Variants in MAN2A2 observed in about 807,000 individuals in gnomAD.
MAN2A2 encodes the protein mannosidase alpha class 2A member 2.
Under a neutral mutation model 126.8 loss-of-function variants are expected in MAN2A2, and 79 were observed. That is an observed-to-expected ratio of 0.62 (90% CI 0.52 to 0.75). MAN2A2 has a LOEUF of 0.75. MAN2A2 is among the 30% of genes least tolerant of loss of function. The probability of loss-of-function intolerance (pLI) is 0.00; values close to 1 mark genes in which losing one functional copy is unlikely to be tolerated. For synonymous variants in MAN2A2, 671 were observed against 618.7 expected (o/e 1.08, Z -1.25); for missense variants, 1,392 against 1,522.4 (o/e 0.91, Z 1.43).
chr15:90,907,405 A>T lies in MAN2A2; in HGVS notation c.1106A>T (p.Gln369Leu). The part of the protein sequence containing the change: ...TCGPDPKICC[Q>L]FDFKRLPGGR... ...GGCCCAGATCCCAAGATCTGCTGCC[A>T]ATTTGATTTCAAACGCCTGCCTGGT... Residue 369 changes from glutamine to leucine, a missense_variant, in exon 8 of 23, where the codon CAA (glutamine) becomes CTA (leucine). Transcript: ENST00000559717. 1 of 1,614,152 alleles carries T rather than the reference A, an allele frequency of 6.2e-7. No homozygotes were observed. Among genetic ancestry groups the T allele is most frequent in the Non-Finnish European group, 8.5e-7 (1 of 1,180,030 alleles).
At chr15:90,919,055 C>CCGGCA (rs1234851727) in intron 22 of MAN2A2, among the ~76,000 whole-genome samples, 1 of 152,236 alleles carries the variant, frequency 6.6e-6, no homozygotes, top group African/African-American at 2.4e-5. Flanking sequence ...CTCATATCAG[C>CCGGCA]CGGCACTGAT....
intron 7 of MAN2A2, 57 bp from the exon 8 acceptor site, chr15:90,907,252 C>G (rs1350770376): frequency 2.5e-5 from 38 of 1,539,290 alleles, no homozygotes; most frequent in Non-Finnish European, 3.2e-5. Context: ...AGATCCTTGC[C>G]CCCCTGGCGT....
At chr15:90,919,573 C>G in intron 22 of MAN2A2, 62 bp from the exon 23 acceptor site, 1 of 1,576,216 alleles carries the variant, frequency 6.3e-7, no homozygotes, top group South Asian at 1.1e-5. Context: ...TGTAGATGAA[C>G]AGCCACATTC....
At chr15:90,912,740 G>A in intron 16 of MAN2A2, 76 bp downstream of exon 16, 1 of 1,597,182 alleles carries the variant, frequency 6.3e-7, no homozygotes, top group Non-Finnish European at 8.6e-7. Flanking sequence ...GTTTATTGCT[G>A]CCTGCCAGGG....
At chr15:90,913,574 G>C (rs968747190) in intron 18 of MAN2A2, 40 bp from the exon 19 acceptor site, 2 of 1,590,058 alleles carry the variant, frequency 1.3e-6, no homozygotes, top group Non-Finnish European at 1.7e-6. Context: ...GGCCCACATG[G>C]TGCCCGGGTG....
chr15:90,903,568 G>A, intron 1 of MAN2A2, 136 bp downstream of exon 1: 1 of 163,916 alleles, frequency 6.1e-6, no homozygotes. Flanking sequence ...GGTCCCCTAA[G>A]TGCTCTGCAA....
chr15:90,906,264 G>C lies in MAN2A2; in HGVS notation c.708-106G>C, dbSNP rs1053332813. ...TGTGTTCTCTTGGTCCTGGGATTGGGAGAACTGGTCCAGTGAGGCCAGTGC... is the reference window on the plus strand; with the variant it reads ...TGTGTTCTCTTGGTCCTGGGATTGGCAGAACTGGTCCAGTGAGGCCAGTGC... On this transcript the variant is annotated intron_variant, in intron 5 of 22. Coordinates refer to ENST00000559717, the MANE Select transcript of MAN2A2 (RefSeq NM_006122.4). 10 of 1,472,840 alleles carry C rather than the reference G, an allele frequency of 6.8e-6. No individual in the cohort carries two copies. The African/African-American group carries it at 1.4e-4, about 20-fold the overall frequency. The allele number at this position is 1,472,840 out of a possible 1,614,324, so 91.2% of individuals were successfully genotyped here. A position where few individuals can be genotyped will look rare whatever the true frequency, so the allele number is the denominator to read the frequency against.
chr15:90,904,002 C>T (rs2034044617), intron 1 of MAN2A2, 188 bp from the exon 2 acceptor site: 2 of 661,832 alleles, frequency 3.0e-6, no homozygotes, highest in South Asian at 3.3e-5. Flanking sequence ...AGCGTCCTCT[C>T]CACCCTAGCG....
intron 9 of MAN2A2, 101 bp downstream of exon 9, chr15:90,909,605 C>CCTT (rs1491374744): frequency 2.2e-4 from 185 of 849,052 alleles, no homozygotes; most frequent in South Asian, 3.6e-4. Context: ...GGGTGCCCCC[C>CCTT]TTTTTTTTTT....
chr15:90,904,493 A>C (rs1226840347), intron 2 of MAN2A2, among the ~76,000 whole-genome samples, 154 bp downstream of exon 2: 1 of 148,460 alleles, frequency 6.7e-6, no homozygotes, highest in Non-Finnish European at 1.5e-5. Flanking sequence ...GGTTTTGTAG[A>C]AACCCTCAGC....
Position 90,903,563 on chromosome 15 carries a change from C to T in MAN2A2, c.-19+131C>T, listed in dbSNP as rs370769633. On this transcript the variant is annotated intron_variant, in intron 1 of 22. Coordinates refer to ENST00000559717, the MANE Select transcript of MAN2A2 (RefSeq NM_006122.4). ...GTCACTGCAGGCTTCCTAGGGGTCC[C>T]CTAAGTGCTCTGCAAACCGCGGCTG... The T allele has an allele frequency of 1.0e-4, 17 of 163,278 alleles. No homozygotes were observed. The East Asian group carries it at 1.9e-3, about 19-fold the overall frequency. The allele number at this position is 163,278 out of a possible 1,614,324, so 10.1% of individuals were successfully genotyped here.
Position 90,916,148 on chromosome 15 carries a change from G to A in MAN2A2, c.2886G>A (p.Arg962=). 1.2e-6 allele frequency: 2 copies of A among 1,614,058 alleles called. No individual in the cohort carries two copies. Among genetic ancestry groups the A allele is most frequent in the Non-Finnish European group, 1.7e-6 (2 of 1,180,004 alleles). Residue 962 remains arginine, a synonymous_variant, in exon 20 of 23, where the codon CGG becomes CGA. Transcript: ENST00000559717. ...GCCAGCTGGAGGTGATCTTGGACCG[G>A]CGGCTGATGCAGGATGACAACCGGG... ...KDGQLEVILD[R]RLMQDDNRGL... is the part of the protein sequence containing the mutation.
At chr15:90,904,601 T>C (rs868155568) in intron 2 of MAN2A2, among the ~76,000 whole-genome samples, 7,182 of 151,816 alleles carry the variant, frequency 0.047, 566 homozygotes, top group African/African-American at 0.16. Flanking sequence ...TTCTTTTTTT[T>C]TTTTTTGAGA....
At position 90,919,661 on chromosome 15, in the gene MAN2A2, C is replaced by T. The variant is rs2035451063; in HGVS notation, c.3327C>T (p.Gly1109=). Residue 1109 remains glycine, a synonymous_variant, in exon 23 of 23, where the codon GGC becomes GGT. Coordinates refer to ENST00000559717, the MANE Select transcript of MAN2A2 (RefSeq NM_006122.4). ...TAGCCCTGGGCAGCCTTTTCCATGGCCTGGATGTGGTATTCCTTCAGCCAA... is the reference window on the plus strand; with the variant it reads ...TAGCCCTGGGCAGCCTTTTCCATGGTCTGGATGTGGTATTCCTTCAGCCAA... ...GKVALGSLFH[G]LDVVFLQPTS... 5 of 1,614,174 alleles carry T rather than the reference C, an allele frequency of 3.1e-6. No homozygotes were observed. The South Asian group carries it at 5.5e-5, about 18-fold the overall frequency.
intron 20 of MAN2A2, chr15:90,916,759 G>T: frequency 1.1e-6 from 1 of 882,720 alleles, no homozygotes; most frequent in East Asian, 6.2e-5. Flanking sequence ...TCGTGCATCA[G>T]ATAGATATTG....
chr15:90,910,776 T>C, intron 11 of MAN2A2, 71 bp from the exon 12 acceptor site: 2 of 1,600,062 alleles, frequency 1.2e-6, no homozygotes, highest in Middle Eastern at 3.3e-4. Context: ...GCCTAGGGCT[T>C]GTCCTGCTGA....
intron 19 of MAN2A2, 53 bp downstream of exon 19, chr15:90,913,808 C>T: frequency 6.6e-7 from 1 of 1,526,114 alleles, no homozygotes; most frequent in Non-Finnish European, 8.8e-7. Context: ...AGAAGCCCGT[C>T]CCCACCCTCA....
At position 90,910,092 on chromosome 15, in the gene MAN2A2, C is replaced by A. The variant is rs987171565; in HGVS notation, c.1377C>A (p.Ala459=). Residue 459 remains alanine, a splice_region_variant and synonymous_variant, in exon 10 of 23, where the codon GCC becomes GCA. Coordinates refer to ENST00000559717, the MANE Select transcript of MAN2A2 (RefSeq NM_006122.4). ...FNSRPNLHVQ[A]QFGTLSDYFD... ...GTGGGTTTTTGGGGTTCCCACAGGC[C>A]CAGTTTGGCACTCTTTCTGACTATT... 5.0e-6 allele frequency: 8 copies of A among 1,610,170 alleles called. No homozygotes were observed. The highest frequency in any genetic ancestry group is 5.9e-6 in the Non-Finnish European group (7 of 1,177,962).
At position 90,910,511 on chromosome 15, in the gene MAN2A2, G is replaced by T; in HGVS notation, c.1588G>T (p.Val530Phe). ...TCTCTCTCTGGGCAGGGGGGCAGAG[G>T]TTCTGTACAGCCTGGCTGCAGCTCA... Reference protein sequence around the residue: ...VLEAHLRGAEVLYSLAAAHAR... With the variant: ...VLEAHLRGAEFLYSLAAAHAR... Residue 530 changes from valine (V) to phenylalanine (F), a missense_variant, in exon 11 of 23, where the codon GTT becomes TTT. By Grantham distance (50) the Val-to-Phe change is conservative. Transcript: ENST00000559717. 1 of 1,613,982 alleles carries T rather than the reference G, an allele frequency of 6.2e-7. No homozygotes were observed.
Sources: gnomAD v4.1 joint callset for allele counts (sites outside exome capture counted in the v4.1 genomes callset) on GRCh38, gnomAD v4.1.1 for gene constraint, MANE v1.5 for transcripts, NCBI Gene and HGNC (gene_info 2026-07-23, HGNC 2026-07-21) for gene names.